STRN: variants seen among roughly 807,000 people sequenced by gnomAD.
STRN encodes the protein protein phosphatase 2 regulatory subunit B'''alpha.
Under a neutral mutation model 96.3 loss-of-function variants are expected in STRN, and 53 were observed. The observed-to-expected ratio is 0.55, with a 90% confidence interval of 0.44 to 0.69. The LOEUF is 0.69. STRN is among the 30% of genes least tolerant of loss of function. The pLI is 0.00. For synonymous variants in STRN, 428 were observed against 355.9 expected (o/e 1.20, Z -2.28); for missense variants, 987 against 963.9 (o/e 1.02, Z -0.32).
At chr2:36,859,735 C>T (rs1350913612) in intron 13 of STRN, among the ~76,000 whole-genome samples, 1 of 152,082 alleles carries the variant, frequency 6.6e-6, no homozygotes, top group African/African-American at 2.4e-5. Context: ...GGACAGGGAA[C>T]AGAAATTGTC....
At chr2:36,931,210 C>A (rs1372988561) in intron 1 of STRN, among the ~76,000 whole-genome samples, 1 of 152,076 alleles carries the variant, frequency 6.6e-6, no homozygotes, top group Non-Finnish European at 1.5e-5. Context: ...CGAGTACATA[C>A]TAGCTTTTTG....
chr2:36,956,914 T>A (rs1381803350), intron 1 of STRN, among the ~76,000 whole-genome samples: 1 of 152,226 alleles, frequency 6.6e-6, no homozygotes, highest in East Asian at 1.9e-4. Flanking sequence ...ATTCTTCTAC[T>A]GAACGCAGCC....
chr2:36,955,948 T>G (rs1053277964), intron 1 of STRN, among the ~76,000 whole-genome samples: 15 of 152,360 alleles, frequency 9.8e-5, no homozygotes, highest in Middle Eastern at 6.8e-3. Flanking sequence ...TATGGGATAC[T>G]AAATAAACTC....
chr2:36,911,830 C>T (rs985212695), intron 3 of STRN, among the ~76,000 whole-genome samples: 6 of 152,154 alleles, frequency 3.9e-5, no homozygotes, highest in Non-Finnish European at 5.9e-5. Context: ...AGCCTAGTGC[C>T]TCTACATACA....
In STRN at chr2:36,845,528, A is replaced by G. The variant is rs1668047207; in HGVS notation, c.*3928T>C. ...GGTATTTAACCTAAAAATATTTACT[A>G]GTTGAATCTTTACCACATAAGAACT... On this transcript the variant is annotated 3_prime_UTR_variant, in exon 18 of 18. Transcript: ENST00000263918. 6.6e-6 allele frequency: 1 copy of G among 152,162 alleles called. No individual in the cohort carries two copies. Among genetic ancestry groups the G allele is most frequent in the Non-Finnish European group, 1.5e-5 (1 of 68,004 alleles). 9.4% of individuals were successfully genotyped at this position (152,162 alleles called of 1,614,324 possible). A position where few individuals can be genotyped will look rare whatever the true frequency, so the allele number is the denominator to read the frequency against.
chr2:36,907,640 T>C (rs148927910), intron 3 of STRN, among the ~76,000 whole-genome samples: 3 of 152,314 alleles, frequency 2.0e-5, no homozygotes, highest in African/African-American at 7.2e-5. Flanking sequence ...CAAAGATAGG[T>C]ACTTAGCCTC....
At chr2:36,885,055 TA>T (rs937603430) in intron 8 of STRN, among the ~76,000 whole-genome samples, 2 of 151,350 alleles carry the variant, frequency 1.3e-5, no homozygotes, top group African/African-American at 4.9e-5. Flanking sequence ...TTCACCATAC[TA>T]AAAAAAAACC....
intron 1 of STRN, among the ~76,000 whole-genome samples, chr2:36,947,136 T>C (rs1372504974): frequency 1.3e-5 from 2 of 152,190 alleles, no homozygotes; most frequent in East Asian, 1.9e-4. Context: ...GAATTCATGA[T>C]CTGCCTGCCT....
At chr2:36,959,602 G>C (rs1664979296) in intron 1 of STRN, among the ~76,000 whole-genome samples, 2 of 152,130 alleles carry the variant, frequency 1.3e-5, no homozygotes, top group African/African-American at 4.8e-5. Flanking sequence ...TTACATCTCA[G>C]TCAGAAGGAG....
rs373557472 is a variant in STRN, at chr2:36,964,188, G to GC, written c.234+2041_234+2042insG. ...AGAGGGAGTGAACGGGGCGGGGCGGGGGGAAGGATGGGTTGGAATTCCCCA... is the reference window on the plus strand; with the variant it reads ...AGAGGGAGTGAACGGGGCGGGGCGGGCGGGAAGGATGGGTTGGAATTCCCCA... On this transcript the variant is annotated intron_variant, in intron 1 of 17. Coordinates refer to ENST00000263918, the MANE Select transcript of STRN (RefSeq NM_003162.4). Among the ~76,000 whole-genome samples the GC allele has an allele frequency of 7.2e-5, 10 of 138,882 alleles. 1 individual carries two copies. In the East Asian group the frequency reaches 1.1e-3, roughly 15 times the overall value. 91.1% of individuals were successfully genotyped at this position (138,882 alleles called of 152,430 possible).
intron 10 of STRN, among the ~76,000 whole-genome samples, chr2:36,875,644 T>C (rs558933374): frequency 2.1e-4 from 31 of 145,286 alleles, no homozygotes; most frequent in Admixed American, 8.8e-4. Context: ...AACAAAAACA[T>C]TGGAAATAGA....
intron 4 of STRN, 49 bp downstream of exon 4, chr2:36,905,491 A>G: frequency 6.6e-7 from 1 of 1,518,370 alleles, no homozygotes; most frequent in Non-Finnish European, 9.1e-7. Context: ...ACTTCATAAA[A>G]CTGTTTCTTG....
intron 3 of STRN, among the ~76,000 whole-genome samples, chr2:36,915,481 C>G (rs1670073322): frequency 6.6e-6 from 1 of 150,956 alleles, no homozygotes; most frequent in African/African-American, 2.4e-5. Context: ...ATCTGATTTA[C>G]AAGTAATATT....
At chr2:36,937,982 T>C (rs1366353831) in intron 1 of STRN, among the ~76,000 whole-genome samples, 3 of 152,180 alleles carry the variant, frequency 2.0e-5, no homozygotes, top group Admixed American at 6.5e-5. Context: ...AAATAGGCTA[T>C]GATCACATAT....
intron 14 of STRN, among the ~76,000 whole-genome samples, chr2:36,856,829 T>TA (rs1456884832): frequency 2.0e-5 from 3 of 152,176 alleles, no homozygotes; most frequent in Non-Finnish European, 4.4e-5. Context: ...ATTCTCGTGA[T>TA]AGAGTTCTCA....
intron 1 of STRN, among the ~76,000 whole-genome samples, 166 bp from the exon 2 acceptor site, chr2:36,925,374 G>T (rs1332785994): frequency 6.6e-6 from 1 of 152,094 alleles, no homozygotes. Context: ...CTGCAAGGGG[G>T]AAAAAGGATT....
chr2:36,887,042 G>GACAGACACACACACAC (rs1307746973), intron 7 of STRN, among the ~76,000 whole-genome samples: 1 of 144,792 alleles, frequency 6.9e-6, no homozygotes, highest in African/African-American at 2.6e-5. Context: ...TCTCCTGAAA[G>GACAGACACACACACAC]ACACACACAC....
At chr2:36,930,287 C>G (rs1670537497) in intron 1 of STRN, among the ~76,000 whole-genome samples, 3 of 152,110 alleles carry the variant, frequency 2.0e-5, no homozygotes, top group East Asian at 3.9e-4. Flanking sequence ...CAAAAATTAG[C>G]CAGGCATGGT....
chr2:36,918,171 G>A (rs963864842), intron 2 of STRN, among the ~76,000 whole-genome samples: 4 of 152,034 alleles, frequency 2.6e-5, no homozygotes, highest in Non-Finnish European at 5.9e-5. Context: ...TTTATCACTG[G>A]ACGAAATGTT....
Sources: allele counts gnomAD v4.1 joint callset (sites outside exome capture counted in the v4.1 genomes callset), GRCh38; gene constraint gnomAD v4.1.1; transcripts MANE v1.5; gene names NCBI Gene and HGNC (gene_info 2026-07-23, HGNC 2026-07-21).